ATP9B: variants seen among roughly 807,000 people sequenced by gnomAD.
ATP9B encodes the protein ATPase phospholipid transporting 9B.
ATP9B carries 110 observed loss-of-function variants against 146.1 expected under a neutral mutation model. The ratio of observed to expected loss-of-function variants is 0.75; its 90% CI spans 0.65 to 0.88. The LOEUF (loss-of-function observed/expected upper bound fraction) is 0.88. Among genes scored for constraint, ATP9B ranks in the 40% least tolerant of loss-of-function variants. The pLI is 0.00. For synonymous variants in ATP9B, 604 were observed against 569.7 expected, an observed-to-expected ratio of 1.06 and a Z score of -0.86; for missense variants, 1,499 against 1,496.4, an observed-to-expected ratio of 1.00 and a Z score of -0.03.
intron 15 of ATP9B, among the ~76,000 whole-genome samples, chr18:79,324,784 T>A (rs11663426): frequency 0.056 from 8,506 of 152,352 alleles, 437 homozygotes; most frequent in African/African-American, 0.14. Flanking sequence ...TAAGTCTTCT[T>A]AATTGCTGGT....
intron 1 of ATP9B, among the ~76,000 whole-genome samples, chr18:79,089,579 A>G (rs1051666164): frequency 6.6e-6 from 1 of 152,154 alleles, no homozygotes; most frequent in Non-Finnish European, 1.5e-5. Context: ...TGATCTAAGG[A>G]AGACCTCTCC....
rs561087514 is a variant in ATP9B at position 79,111,859 on chromosome 18, TGTA to T, written c.444+1358_444+1360del. ...CTGAAATTAGTCTTTTCATCTAAAA[TGTA>T]GTATTTTAGAAACATTTGGTAATTA... On this transcript the variant is annotated intron_variant, in intron 3 of 29. Transcript: ENST00000426216. Among the ~76,000 whole-genome samples, 17 of 152,278 alleles carry T rather than the reference TGTA, an allele frequency of 1.1e-4. No individual in the cohort carries two copies. The South Asian group carries it at 3.5e-3, about 32-fold the overall frequency.
chr18:79,352,988 A>C (rs574873884), intron 25 of ATP9B: 1 of 152,394 alleles, frequency 6.6e-6, no homozygotes, highest in African/African-American at 2.4e-5. Flanking sequence ...TTGAACATTC[A>C]TCACAAAAGA....
intron 4 of ATP9B, among the ~76,000 whole-genome samples, chr18:79,125,035 T>C (rs1323704569): frequency 1.3e-5 from 2 of 152,152 alleles, no homozygotes; most frequent in Non-Finnish European, 2.9e-5. Flanking sequence ...ACAATTGGAA[T>C]GCACAGAGGA....
chr18:79,224,003 A>G (rs1364245783), intron 11 of ATP9B, among the ~76,000 whole-genome samples: 2 of 152,200 alleles, frequency 1.3e-5, no homozygotes, highest in Non-Finnish European at 2.9e-5. Flanking sequence ...GATTTCTATC[A>G]CAGAAAAGAC....
chr18:79,236,113 A>G (rs1272012081), intron 11 of ATP9B, among the ~76,000 whole-genome samples: 2 of 152,224 alleles, frequency 1.3e-5, no homozygotes, highest in African/African-American at 2.4e-5. Context: ...CAGCCAAGCA[A>G]GAGAACTCAA....
intron 29 of ATP9B, 61 bp downstream of exon 29, chr18:79,375,487 G>A: frequency 6.4e-7 from 1 of 1,573,028 alleles, no homozygotes; most frequent in Non-Finnish European, 8.7e-7. Flanking sequence ...TATTGATAAA[G>A]ATACTTAACT....
intron 7 of ATP9B, among the ~76,000 whole-genome samples, chr18:79,175,379 A>T: frequency 6.6e-6 from 1 of 152,202 alleles, no homozygotes; most frequent in East Asian, 1.9e-4. Context: ...ATCTGGTTTT[A>T]AAGTGAACAG....
At chr18:79,300,202 G>T (rs539734838) in intron 13 of ATP9B, among the ~76,000 whole-genome samples, 6 of 152,354 alleles carry the variant, frequency 3.9e-5, no homozygotes, top group African/African-American at 1.2e-4. Flanking sequence ...CTGAAGTGGG[G>T]TTGAGAGGTT....
intron 20 of ATP9B, chr18:79,343,764 C>T (rs1568761209): frequency 1.1e-5 from 2 of 184,782 alleles, no homozygotes; most frequent in South Asian, 1.2e-4. Context: ...TCTGCAGAGC[C>T]GTGTCCGTAA....
At chr18:79,307,276 T>C (rs2096624870) in intron 15 of ATP9B, 42 bp downstream of exon 15, 2 of 1,612,360 alleles carry the variant, frequency 1.2e-6, no homozygotes, top group Non-Finnish European at 8.5e-7. Context: ...TCCGTTCCAT[T>C]TGGACTCCAG....
intron 5 of ATP9B, among the ~76,000 whole-genome samples, chr18:79,131,460 A>G (rs2094376930): frequency 6.6e-6 from 1 of 152,224 alleles, no homozygotes; most frequent in African/African-American, 2.4e-5. Context: ...AGGGAAGTGC[A>G]AATCTCTATG....
At chr18:79,211,331 G>A (rs1192048203) in intron 10 of ATP9B, among the ~76,000 whole-genome samples, 4 of 152,210 alleles carry the variant, frequency 2.6e-5, no homozygotes, top group Non-Finnish European at 5.9e-5. Context: ...TATATAGCCT[G>A]TAGCAAGGAA....
chr18:79,364,277 A>G (rs7231305), intron 26 of ATP9B: 58,423 of 150,614 alleles, frequency 0.39, 11,495 homozygotes, highest in Middle Eastern at 0.54. Context: ...AAAAAAAAAA[A>G]AAAGAAAAGA....
At chr18:79,174,656 G>A (rs923769174) in intron 7 of ATP9B, among the ~76,000 whole-genome samples, 9 of 152,158 alleles carry the variant, frequency 5.9e-5, no homozygotes, top group African/African-American at 2.2e-4. Flanking sequence ...TTGTGTGAGT[G>A]CATACACAAA....
chr18:79,132,028 C>T (rs1463020671), intron 5 of ATP9B, among the ~76,000 whole-genome samples: 1 of 152,198 alleles, frequency 6.6e-6, no homozygotes, highest in African/African-American at 2.4e-5. Context: ...TGTTTTGGGA[C>T]TTGATAGAGT....
At chr18:79,175,620 C>G (rs748479986) in intron 7 of ATP9B, among the ~76,000 whole-genome samples, 11 of 152,240 alleles carry the variant, frequency 7.2e-5, no homozygotes, top group Non-Finnish European at 1.3e-4. Context: ...CTTGTGTGCA[C>G]ACAGATATGT....
At chr18:79,233,962 T>C (rs2095815690) in intron 11 of ATP9B, among the ~76,000 whole-genome samples, 1 of 152,220 alleles carries the variant, frequency 6.6e-6, no homozygotes, top group Admixed American at 6.5e-5. Context: ...CATAAAGGTC[T>C]TCATCCTCAT....
chr18:79,376,215 A>ACAC (rs1555891398), intron 29 of ATP9B: 23 of 887,756 alleles, frequency 2.6e-5, no homozygotes, highest in African/African-American at 1.7e-4. Flanking sequence ...ACACACACAC[A>ACAC]AAACAAAACA....
Sources: allele counts gnomAD v4.1 joint callset (sites outside exome capture counted in the v4.1 genomes callset), GRCh38; gene constraint gnomAD v4.1.1; transcripts MANE v1.5; gene names NCBI Gene and HGNC (gene_info 2026-07-23, HGNC 2026-07-21).